Variants in NR3C2 observed in about 807,000 individuals in gnomAD.
NR3C2 encodes mineralocorticoid receptor.
In NR3C2, 15 loss-of-function variants were observed where a neutral mutation model predicts 86.4. The observed-to-expected ratio is 0.17, with a 90% CI of 0.12 to 0.27. NR3C2 has a LOEUF of 0.27. Among genes scored for constraint, NR3C2 ranks in the 10% least tolerant of loss-of-function variants. The pLI, the probability that NR3C2 is intolerant of heterozygous loss-of-function variation, is 1.00. For missense variants in NR3C2, 960 were observed against 1,195.6 expected, an observed-to-expected ratio of 0.80 and a Z score of 2.91; for synonymous variants, 458 against 450.5, an observed-to-expected ratio of 1.02 and a Z score of -0.21.
chr4:148,388,716 G>T (rs1470190418), intron 2 of NR3C2, among the ~76,000 whole-genome samples: 1 of 152,096 alleles, frequency 6.6e-6, no homozygotes, highest in Non-Finnish European at 1.5e-5. Context: ...TTAGTCACTG[G>T]AATGCCCAAA....
At chr4:148,422,077 TC>T (rs1246590908) in intron 2 of NR3C2, among the ~76,000 whole-genome samples, 2 of 152,086 alleles carry the variant, frequency 1.3e-5, no homozygotes. Context: ...AACTCCTCCT[TC>T]CTCTACTCTA....
At chr4:148,418,752 A>G (rs907233839) in intron 2 of NR3C2, among the ~76,000 whole-genome samples, 1 of 152,242 alleles carries the variant, frequency 6.6e-6, no homozygotes, top group Non-Finnish European at 1.5e-5. Context: ...AGATTAGCTC[A>G]GAAAATTTCC....
At chr4:148,325,225 T>G (rs151269532) in intron 2 of NR3C2, among the ~76,000 whole-genome samples, 78 of 152,246 alleles carry the variant, frequency 5.1e-4, no homozygotes, top group Non-Finnish European at 9.1e-4. Flanking sequence ...TTCTCTCAGT[T>G]CTGCTATCAA....
At chr4:148,379,411 C>G (rs1017897178) in intron 2 of NR3C2, among the ~76,000 whole-genome samples, 1 of 152,148 alleles carries the variant, frequency 6.6e-6, no homozygotes, top group Non-Finnish European at 1.5e-5. Context: ...AACTGCAAAG[C>G]AGAACGGCAA....
chr4:148,241,806 A>G (rs944413736), intron 3 of NR3C2, among the ~76,000 whole-genome samples: 5 of 152,244 alleles, frequency 3.3e-5, no homozygotes, highest in African/African-American at 1.2e-4. Context: ...ATATTTCATG[A>G]TTATGTGAAT....
chr4:148,421,635 A>T (rs72658656), intron 2 of NR3C2, among the ~76,000 whole-genome samples: 68 of 152,328 alleles, frequency 4.5e-4, no homozygotes, highest in African/African-American at 1.5e-3. Flanking sequence ...TCTGACAGTC[A>T]TGGACATCTA....
intron 2 of NR3C2, among the ~76,000 whole-genome samples, chr4:148,350,363 A>G (rs1326987453): frequency 6.6e-6 from 1 of 152,220 alleles, no homozygotes; most frequent in Non-Finnish European, 1.5e-5. Flanking sequence ...AATGCTATTC[A>G]TAACATGTAA....
In NR3C2 at chr4:148,256,499, T is replaced by C. The variant is rs1242645280; in HGVS notation, c.1897+3479A>G. The stretch of plus-strand genomic sequence containing the variant: ...ATTTTCAGGTAATTTTTCACAGCAA[T>C]GTTCGGGTAGGGCAACACTACTTCT... On this transcript the variant is annotated intron_variant, in intron 3 of 8. Coordinates refer to ENST00000358102, the MANE Select transcript of NR3C2 (RefSeq NM_000901.5). 2.6e-5 allele frequency among the ~76,000 whole-genome samples: 4 copies of C among 152,110 alleles called. No individual in the cohort carries two copies. The South Asian group carries it at 6.2e-4, about 24-fold the overall frequency.
intron 2 of NR3C2, among the ~76,000 whole-genome samples, chr4:148,347,584 C>T (rs990236124): frequency 2.6e-5 from 4 of 152,106 alleles, no homozygotes; most frequent in African/African-American, 9.7e-5. Context: ...TCTCAAGATA[C>T]GCTGGCCTCA....
At chr4:148,336,676 A>C (rs967920427) in intron 2 of NR3C2, among the ~76,000 whole-genome samples, 3 of 152,178 alleles carry the variant, frequency 2.0e-5, no homozygotes, top group Admixed American at 6.5e-5. Flanking sequence ...AGTTTTCTAG[A>C]TTTTGGATGA....
chr4:148,321,658 T>C lies in NR3C2; in HGVS notation c.1758-61541A>G, dbSNP rs1743600037. Among the ~76,000 whole-genome samples, 5 of 152,266 alleles carry C rather than the reference T, an allele frequency of 3.3e-5. No individual in the cohort carries two copies. In the South Asian group the frequency reaches 1.0e-3, roughly 32 times the overall value. On this transcript the variant is annotated intron_variant, in intron 2 of 8. Coordinates refer to ENST00000358102, the MANE Select transcript of NR3C2 (RefSeq NM_000901.5). The stretch of plus-strand genomic sequence containing the variant: ...TGGCCTTCTTTGTCTCTTTTGATCT[T>C]TGTTGGTTTAAAGTCTGTTTTATCA...
chr4:148,352,200 A>AT (rs1745316464), intron 2 of NR3C2, among the ~76,000 whole-genome samples: 2 of 152,028 alleles, frequency 1.3e-5, no homozygotes, highest in South Asian at 4.2e-4. Context: ...ATCTGTAAAC[A>AT]TTTTTCTGGA....
intron 8 of NR3C2, among the ~76,000 whole-genome samples, chr4:148,084,534 A>G (rs1418201722): frequency 6.6e-6 from 1 of 152,238 alleles, no homozygotes; most frequent in Non-Finnish European, 1.5e-5. Flanking sequence ...CATGGAAAGG[A>G]ACAACTAGTA....
chr4:148,212,531 C>T (rs956321472), intron 3 of NR3C2, among the ~76,000 whole-genome samples: 4 of 152,236 alleles, frequency 2.6e-5, no homozygotes, highest in African/African-American at 9.6e-5. Context: ...CCAAACCTGT[C>T]AATGCCTTGC....
chr4:148,079,142 T>TAA lies in NR3C2; in HGVS notation c.*2200_*2201dup, dbSNP rs1553982137. ...GTCAGAATTCCCATTTTATAAAAAC[T>TAA]AAGTCTGAACTAAAAGCTGCTTTTG... On this transcript the variant is annotated 3_prime_UTR_variant, in exon 9 of 9. Transcript: ENST00000358102. 3.3e-5 allele frequency: 5 copies of TAA among 152,394 alleles called. No individual in the cohort carries two copies. The highest frequency in any genetic ancestry group is 9.7e-5 in the African/African-American group (4 of 41,446). The allele number at this position is 152,394 out of a possible 1,614,324, so 9.4% of individuals were successfully genotyped here.
At chr4:148,295,728 A>C (rs1742015955) in intron 2 of NR3C2, among the ~76,000 whole-genome samples, 1 of 151,756 alleles carries the variant, frequency 6.6e-6, no homozygotes, top group Non-Finnish European at 1.5e-5. Flanking sequence ...CCTAAGCTCA[A>C]TCAGGATGGG....
chr4:148,378,496 C>G (rs1746791111), intron 2 of NR3C2, among the ~76,000 whole-genome samples: 1 of 152,094 alleles, frequency 6.6e-6, no homozygotes, highest in Non-Finnish European at 1.5e-5. Flanking sequence ...TGGGAGGTGA[C>G]TGGATCATGG....
intron 3 of NR3C2, among the ~76,000 whole-genome samples, chr4:148,203,597 CCCAGCAAATT>C (rs1413552831): frequency 6.6e-6 from 1 of 152,028 alleles, no homozygotes; most frequent in Admixed American, 6.6e-5. Flanking sequence ...TTAGAGCAGC[CCCAGCAAATT>C]CCCGCATTGC....
At chr4:148,202,538 C>A (rs1736778249) in intron 3 of NR3C2, among the ~76,000 whole-genome samples, 1 of 152,208 alleles carries the variant, frequency 6.6e-6, no homozygotes, top group African/African-American at 2.4e-5. Flanking sequence ...GCTCTTATCA[C>A]TAAATGATAT....
Sources: gnomAD v4.1 joint callset for allele counts (sites outside exome capture counted in the v4.1 genomes callset) on GRCh38, gnomAD v4.1.1 for gene constraint, MANE v1.5 for transcripts, NCBI Gene and HGNC (gene_info 2026-07-23, HGNC 2026-07-21) for gene names.